EXD3: variants seen among roughly 807,000 people sequenced by gnomAD.
The protein encoded by EXD3 is exonuclease 3'-5' domain containing 3, also known as exonuclease mut-7 homolog.
Under a neutral mutation model 98.0 loss-of-function variants are expected in EXD3, and 92 were observed. The ratio of observed to expected loss-of-function variants is 0.94; its 90% CI spans 0.79 to 1.12. The LOEUF is 1.12. Ranked by LOEUF, EXD3 falls within the 50% of genes most tolerant of loss-of-function variation. The pLI is 0.00. For synonymous variants in EXD3, 569 were observed against 526.0 expected (o/e 1.08, Z -1.12); for missense variants, 1,222 against 1,191.6 (o/e 1.03, Z -0.38).
intron 3 of EXD3, among the ~76,000 whole-genome samples, chr9:137,382,113 C>CGGAGGA (rs1836331034): frequency 2.8e-5 from 1 of 35,348 alleles, no homozygotes. Context: ...GTCAGGGCGG[C>CGGAGGA]GGTGGAGGTG....
In EXD3 at chr9:137,407,485, CGGG is replaced by C. The variant is rs1564215979; in HGVS notation, c.-47-12084_-47-12082del. Reference sequence around the variant, plus strand: ...TGCAAAGGGCAGGTCTGGCCGCTCTCGGGCTCTGCCCTGCCAGCCCCACAACCC... The same window carrying C: ...TGCAAAGGGCAGGTCTGGCCGCTCTCCTCTGCCCTGCCAGCCCCACAACCC... On this transcript the variant is annotated intron_variant, in intron 1 of 21. Coordinates refer to ENST00000340951, the MANE Select transcript of EXD3 (RefSeq NM_017820.5). This position sits in a 1 kb window ranked among gnomAD's most constrained non-coding sequence, Gnocchi z 4.4. 6.6e-6 allele frequency among the ~76,000 whole-genome samples: 1 copy of C among 152,234 alleles called. No individual in the cohort carries two copies. The highest frequency in any genetic ancestry group is 1.9e-4 in the East Asian group (1 of 5,184).
At chr9:137,353,979 G>GC (rs1834462572) in intron 10 of EXD3, 1 of 1,100,418 alleles carries the variant, frequency 9.1e-7, no homozygotes, top group Non-Finnish European at 1.1e-6. Context: ...CGGGCTGGGG[G>GC]GGCCTGGCCT....
intron 19 of EXD3, among the ~76,000 whole-genome samples, chr9:137,312,437 C>G (rs1306659696): frequency 1.3e-5 from 2 of 152,216 alleles, no homozygotes; most frequent in Non-Finnish European, 2.9e-5. Flanking sequence ...ACACAGGGCA[C>G]TTCCGCCCGG....
intron 3 of EXD3, among the ~76,000 whole-genome samples, chr9:137,378,460 C>G (rs1197851789): frequency 6.6e-6 from 1 of 152,168 alleles, no homozygotes; most frequent in Non-Finnish European, 1.5e-5. Flanking sequence ...ATCCTATCAC[C>G]TCAGCCTCCT....
In EXD3 at chr9:137,423,105, G is replaced by A. The variant is rs1366722668; in HGVS notation, c.-48+9C>T. 4 of 151,610 alleles carry A rather than the reference G, an allele frequency of 2.6e-5. No homozygotes were observed. Among genetic ancestry groups the A allele is most frequent in the Non-Finnish European group, 4.4e-5 (3 of 67,980 alleles). The allele number at this position is 151,610 out of a possible 1,614,324, so 9.4% of individuals were successfully genotyped here. A position where few individuals can be genotyped will look rare whatever the true frequency, so the allele number is the denominator to read the frequency against. ...GCCCACCTGGCCCGCGCGGCCCGGG[G>A]TCGCTCACCTGCGGGGCCGGGACCG... is the stretch of plus-strand genomic sequence containing the variant. On this transcript the variant is annotated intron_variant, in intron 1 of 21. Transcript: ENST00000340951.
At chr9:137,368,033 GC>G in intron 5 of EXD3, 44 bp from the exon 6 acceptor site, 2 of 1,556,832 alleles carry the variant, frequency 1.3e-6, no homozygotes, top group Non-Finnish European at 1.8e-6. Flanking sequence ...CCTGGGAGGG[GC>G]CAGGCAGCAC....
At chr9:137,367,845 T>C in intron 6 of EXD3, 91 bp downstream of exon 6, 1 of 1,294,594 alleles carries the variant, frequency 7.7e-7, no homozygotes, top group South Asian at 1.3e-5. Context: ...TGTGGCTTGG[T>C]GGACTCCCGA....
chr9:137,394,688 T>C (rs756890230), intron 2 of EXD3, among the ~76,000 whole-genome samples: 42 of 128,976 alleles, frequency 3.3e-4, no homozygotes, highest in Non-Finnish European at 6.5e-4. Context: ...GCACTGAATC[T>C]GGCAGGGCAG....
intron 20 of EXD3, 85 bp downstream of exon 20, chr9:137,309,522 G>A (rs981293708): frequency 2.2e-5 from 25 of 1,127,572 alleles, no homozygotes; most frequent in East Asian, 7.7e-5. Context: ...AGTGCTGGAC[G>A]GGCCAGGCCC....
Position 137,373,460 on chromosome 9 carries a change from C to T in EXD3, c.260G>A (p.Trp87Ter). 6.2e-7 allele frequency: 1 copy of T among 1,609,446 alleles called. No homozygotes were observed. Among genetic ancestry groups the T allele is most frequent in the Non-Finnish European group, 8.5e-7 (1 of 1,179,120 alleles). The change falls in exon 4 of 22, where the codon TGG becomes TAG. Residue 87 changes from tryptophan (W) to a stop codon, truncating the protein, a stop_gained. Coordinates refer to ENST00000340951, the MANE Select transcript of EXD3 (RefSeq NM_017820.5). LOFTEE classifies it high-confidence loss of function. ...AAWISHQLQC[W>*]LQAQPCPSLA... The stretch of plus-strand genomic sequence containing the variant: ...GCTCGGGCATGGCTGTGCCTGTAGC[C>T]AGCACTGCAGCTGGTGGGAGATCCA...
intron 19 of EXD3, among the ~76,000 whole-genome samples, chr9:137,314,454 C>G (rs1417756393): frequency 1.3e-5 from 2 of 152,162 alleles, no homozygotes; most frequent in African/African-American, 4.8e-5. Context: ...TAGCGGCCGT[C>G]TTTTGGGAAG....
intron 1 of EXD3, among the ~76,000 whole-genome samples, chr9:137,411,257 C>G (rs1302747001): frequency 6.6e-6 from 1 of 152,198 alleles, no homozygotes; most frequent in Non-Finnish European, 1.5e-5. Flanking sequence ...TCACCCCAAA[C>G]CCAGCTGAGC....
At position 137,391,578 on chromosome 9, in the gene EXD3, C is replaced by A. The variant is rs1055853403; in HGVS notation, c.55+3725G>T. 4.3e-4 allele frequency among the ~76,000 whole-genome samples: 65 copies of A among 151,034 alleles called. 1 individual carries two copies. Among genetic ancestry groups the A allele is most frequent in the Admixed American group, 1.4e-3 (22 of 15,194 alleles). On this transcript the variant is annotated intron_variant, in intron 2 of 21. Transcript: ENST00000340951. ...GGCCGGCCTCCCCGCCCCACCCCAC[C>A]GCCCGCCGGCCCTGGTGATTCCTGG...
chr9:137,317,334 G>A (rs970283335), intron 19 of EXD3, among the ~76,000 whole-genome samples: 1 of 152,166 alleles, frequency 6.6e-6, no homozygotes, highest in Non-Finnish European at 1.5e-5. Flanking sequence ...GGTCCCTCCT[G>A]CGTGCACCCC....
Position 137,317,216 on chromosome 9 carries a change from G to C in EXD3, c.2184+6509C>G, listed in dbSNP as rs370889568. 5.8e-4 allele frequency among the ~76,000 whole-genome samples: 88 copies of C among 152,250 alleles called. 1 individual carries two copies. The Middle Eastern group carries it at 0.014, about 24-fold the overall frequency. ...CCCAGGCGCGCACCTGCCAGCCCAC[G>C]CGGGGCCTCTCCTGTTGGATGGGCA... On this transcript the variant is annotated intron_variant, in intron 19 of 21. Coordinates refer to ENST00000340951, the MANE Select transcript of EXD3 (RefSeq NM_017820.5).
intron 10 of EXD3, chr9:137,353,951 C>T (rs1431884177): frequency 2.6e-5 from 27 of 1,057,664 alleles, no homozygotes; most frequent in Non-Finnish European, 3.1e-5. Context: ...GCCCTTCCGG[C>T]CGGCTCTGCG....
At chr9:137,345,976 C>T (rs1588306788) in intron 17 of EXD3, 1 of 151,882 alleles carries the variant, frequency 6.6e-6, no homozygotes, top group Middle Eastern at 3.4e-3. Context: ...GAACAGAAGA[C>T]CTAGGAGATA....
chr9:137,384,832 C>T (rs1836501924), intron 2 of EXD3, among the ~76,000 whole-genome samples: 1 of 152,226 alleles, frequency 6.6e-6, no homozygotes, highest in South Asian at 2.1e-4. Flanking sequence ...ACCCAGCCGG[C>T]TGTCATCTCA....
At position 137,337,479 on chromosome 9, in the gene EXD3, T is replaced by C. The variant is rs192346150; in HGVS notation, c.1998+10592A>G. Among the ~76,000 whole-genome samples the C allele has an allele frequency of 3.6e-4, 54 of 152,048 alleles. 1 individual carries two copies. The highest frequency in any genetic ancestry group is 2.5e-3 in the South Asian group (12 of 4,812). ...CAGCCTGGCCAATATGGTGAAACCCTATCTCTACTAAAAATACAAAAATTA... is the reference window on the plus strand; with the variant it reads ...CAGCCTGGCCAATATGGTGAAACCCCATCTCTACTAAAAATACAAAAATTA... On this transcript the variant is annotated intron_variant, in intron 17 of 21. Transcript: ENST00000340951.
Sources: gnomAD v4.1 joint callset for allele counts (sites outside exome capture counted in the v4.1 genomes callset) on GRCh38, gnomAD v4.1.1 for gene constraint, Gnocchi (gnomAD v3.1) non-coding constraint, MANE v1.5 for transcripts, NCBI Gene and HGNC (gene_info 2026-07-23, HGNC 2026-07-21) for gene names.